SLC24A4: variants seen among roughly 807,000 people sequenced by gnomAD.
SLC24A4 encodes solute carrier family 24 member 4, also known as sodium/potassium/calcium exchanger 4.
SLC24A4 carries 53 observed loss-of-function variants against 79.0 expected under a neutral mutation model. The ratio of observed to expected loss-of-function variants is 0.67; its 90% CI spans 0.54 to 0.84. SLC24A4 has a LOEUF of 0.84. Ranked by LOEUF, SLC24A4 falls within the 40% of genes least tolerant of loss-of-function variation. SLC24A4 has a pLI of 0.00. For synonymous variants in SLC24A4, 323 were observed against 323.8 expected, an observed-to-expected ratio of 1.00 and a Z score of 0.03; for missense variants, 731 against 822.0, an observed-to-expected ratio of 0.89 and a Z score of 1.35.
chr14:92,449,325 CT>C (rs1341904612), intron 10 of SLC24A4, 109 bp downstream of exon 10: 38 of 1,297,090 alleles, frequency 2.9e-5, no homozygotes, highest in East Asian at 1.0e-4. Flanking sequence ...CACACACACC[CT>C]CTCACAATGT....
intron 2 of SLC24A4, among the ~76,000 whole-genome samples, chr14:92,406,227 C>A (rs937336928): frequency 6.6e-6 from 1 of 152,260 alleles, no homozygotes; most frequent in Non-Finnish European, 1.5e-5. Context: ...GGTGGGCTCC[C>A]ATGGCCTTGG....
chr14:92,343,645 TTTCCTTCTTTCCTTCCTTCC>T (rs1463382288), intron 2 of SLC24A4, among the ~76,000 whole-genome samples: 8 of 55,298 alleles, frequency 1.4e-4, no homozygotes, highest in African/African-American at 3.8e-4. Context: ...TCTTTCTCTC[TTTCCTTCTTTCCTTCCTTCC>T]TTCCTTCCTT....
At chr14:92,405,022 G>A (rs573475496) in intron 2 of SLC24A4, among the ~76,000 whole-genome samples, 3 of 152,246 alleles carry the variant, frequency 2.0e-5, no homozygotes, top group South Asian at 2.1e-4. Context: ...TGTTATAGGC[G>A]GGTACATATC....
At chr14:92,412,354 A>G (rs555803936) in intron 2 of SLC24A4, among the ~76,000 whole-genome samples, 11 of 152,230 alleles carry the variant, frequency 7.2e-5, no homozygotes, top group African/African-American at 2.6e-4. Flanking sequence ...AATCATATGG[A>G]TGAGAACAGG....
Position 92,439,384 on chromosome 14 carries a change from T to C in SLC24A4, c.368T>C (p.Val123Ala), listed in dbSNP as rs1404008163. 6.2e-7 allele frequency: 1 copy of C among 1,612,782 alleles called. No homozygotes were observed. Among genetic ancestry groups the C allele is most frequent in the African/African-American group, 1.3e-5 (1 of 74,910 alleles). The stretch of plus-strand genomic sequence containing the variant: ...GCCATAGTGTGCGATGACTTCTTTG[T>C]TCCGTCTCTAGAGAAGATCTGTGAG... ...ALAIVCDDFFVPSLEKICERL... is the reference protein window; with the variant it reads ...ALAIVCDDFFAPSLEKICERL... The change falls in exon 4 of 17, where the codon GTT (valine) becomes GCT (alanine). Residue 123 changes from valine (V) to alanine (A), a missense_variant. By Grantham distance (64) the Val-to-Ala change is moderately conservative. Transcript: ENST00000532405.
At chr14:92,421,700 G>A (rs528356052) in intron 2 of SLC24A4, among the ~76,000 whole-genome samples, 12 of 152,052 alleles carry the variant, frequency 7.9e-5, no homozygotes, top group African/African-American at 2.9e-4. Context: ...TAGAGACAAG[G>A]TTTCACCATG....
At chr14:92,329,497 C>A (rs2141593128) in intron 2 of SLC24A4, among the ~76,000 whole-genome samples, 1 of 152,262 alleles carries the variant, frequency 6.6e-6, no homozygotes, top group Non-Finnish European at 1.5e-5. Flanking sequence ...CCCCTCCCTT[C>A]CCTTCCCCCT....
chr14:92,493,636 T>G lies in SLC24A4; in HGVS notation c.*8T>G, dbSNP rs1895822794. On this transcript the variant is annotated 3_prime_UTR_variant, in exon 17 of 17. Coordinates refer to ENST00000532405, the MANE Select transcript of SLC24A4 (RefSeq NM_153646.4). ...TGCCGGGAAGACGATTAGCGCTGAG[T>G]CGCGGCCCCTGGGAGCTGATCTGGA... 1 of 1,613,736 alleles carries G rather than the reference T, an allele frequency of 6.2e-7. No homozygotes were observed. The highest frequency in any genetic ancestry group is 8.5e-7 in the Non-Finnish European group (1 of 1,179,876).
rs111738046 is a variant in SLC24A4 at position 92,351,240 on chromosome 14, A to G, written c.241+25262A>G. Reference sequence around the variant, plus strand: ...CTTTCACACACACACATACACGCACACACACACACACACACACAAAACACC... The same window carrying G: ...CTTTCACACACACACATACACGCACGCACACACACACACACACAAAACACC... On this transcript the variant is annotated intron_variant, in intron 2 of 16. Transcript: ENST00000532405. 8.6e-3 allele frequency among the ~76,000 whole-genome samples: 1,206 copies of G among 140,084 alleles called. 16 individuals carry two copies. The highest frequency in any genetic ancestry group is 0.028 in the African/African-American group (1,101 of 38,766). The allele number at this position is 140,084 out of a possible 152,430, so 91.9% of individuals were successfully genotyped here. A position where few individuals can be genotyped will look rare whatever the true frequency, so the allele number is the denominator to read the frequency against.
intron 8 of SLC24A4, 24 bp from the exon 9 acceptor site, chr14:92,447,347 C>A (rs367999995): frequency 2.5e-6 from 4 of 1,613,464 alleles, no homozygotes; most frequent in African/African-American, 2.7e-5. Flanking sequence ...GAGCTCTAAC[C>A]GCAATCTCCT....
chr14:92,445,272 T>C, intron 7 of SLC24A4, 45 bp from the exon 8 acceptor site: 1 of 1,612,300 alleles, frequency 6.2e-7, no homozygotes, highest in Non-Finnish European at 8.5e-7. Context: ...TGTTTGGAAA[T>C]AAATATGTCC....
At chr14:92,360,909 G>A (rs527865306) in intron 2 of SLC24A4, among the ~76,000 whole-genome samples, 3 of 152,296 alleles carry the variant, frequency 2.0e-5, no homozygotes, top group South Asian at 2.1e-4. Flanking sequence ...GCTGCACAGC[G>A]TTTATCCTTG....
chr14:92,436,370 G>A (rs1050646027), intron 3 of SLC24A4, among the ~76,000 whole-genome samples: 4 of 152,100 alleles, frequency 2.6e-5, no homozygotes, highest in Non-Finnish European at 5.9e-5. Context: ...TTTCACAACA[G>A]CAGAATAGTT....
At chr14:92,436,473 A>C (rs372530362) in intron 3 of SLC24A4, among the ~76,000 whole-genome samples, 4 of 146,534 alleles carry the variant, frequency 2.7e-5, no homozygotes, top group African/African-American at 7.5e-5. Flanking sequence ...GGAACACTGC[A>C]ACACCCATTC....
intron 2 of SLC24A4, among the ~76,000 whole-genome samples, chr14:92,331,680 G>A (rs555339224): frequency 6.6e-6 from 1 of 152,166 alleles, no homozygotes; most frequent in Non-Finnish European, 1.5e-5. Context: ...CATAATACGT[G>A]CTTCACTTTT....
chr14:92,412,456 C>A (rs914133958), intron 2 of SLC24A4, among the ~76,000 whole-genome samples: 2 of 152,178 alleles, frequency 1.3e-5, no homozygotes, highest in African/African-American at 2.4e-5. Flanking sequence ...CAACGCCCCG[C>A]ACTCTGAGTA....
At chr14:92,423,612 TAAAC>T (rs1261310274) in intron 2 of SLC24A4, among the ~76,000 whole-genome samples, 3 of 152,152 alleles carry the variant, frequency 2.0e-5, no homozygotes, top group Non-Finnish European at 4.4e-5. Context: ...GCTGTGGAAA[TAAAC>T]AAAGACCACA....
rs73337448 is a variant in SLC24A4 at position 92,407,549 on chromosome 14, A to G, written c.242-26363A>G. ...TTGACTCACAGTTCTGTGGCTTAAC[A>G]GGAAGCATGACTAGGGGGCCTGAAG... On this transcript the variant is annotated intron_variant, in intron 2 of 16. Transcript: ENST00000532405. Among the ~76,000 whole-genome samples, 432 of 152,338 alleles carry G rather than the reference A, an allele frequency of 2.8e-3. 4 individuals carry two copies. Among genetic ancestry groups the G allele is most frequent in the African/African-American group, 9.6e-3 (401 of 41,570 alleles).
chr14:92,414,611 A>G (rs1240497483), intron 2 of SLC24A4, among the ~76,000 whole-genome samples: 1 of 152,144 alleles, frequency 6.6e-6, no homozygotes, highest in Non-Finnish European at 1.5e-5. Flanking sequence ...ATGAAGATGC[A>G]TGCCTGTAGT....
Sources: gnomAD v4.1 joint callset for allele counts (sites outside exome capture counted in the v4.1 genomes callset) on GRCh38, gnomAD v4.1.1 for gene constraint, MANE v1.5 for transcripts, NCBI Gene and HGNC (gene_info 2026-07-23, HGNC 2026-07-21) for gene names.